The following BRD1 variants were observed in gnomAD, a reference collection of about 807,000 sequenced individuals.
BRD1 encodes the protein bromodomain containing 1, also known as bromodomain-containing protein 1.
Under a neutral mutation model 107.7 loss-of-function variants are expected in BRD1, and 24 were observed. The ratio of observed to expected loss-of-function variants is 0.22; its 90% confidence interval spans 0.16 to 0.31. BRD1 has a LOEUF of 0.31. Among genes scored for constraint, BRD1 ranks in the 10% least tolerant of loss-of-function variants. The probability of loss-of-function intolerance (pLI) is 1.00; values close to 1 mark genes in which losing one functional copy is unlikely to be tolerated. For missense variants in BRD1, 1,279 were observed against 1,638.6 expected, an observed-to-expected ratio of 0.78 and a Z score of 3.79; for synonymous variants, 744 against 686.1, an observed-to-expected ratio of 1.08 and a Z score of -1.32.
Position 49,775,683 on chromosome 22 carries a change from T to TG in BRD1, c.3293dup (p.Pro1099ThrfsTer16). 6.2e-7 allele frequency: 1 copy of TG among 1,613,578 alleles called. No individual in the cohort carries two copies. The highest frequency in any genetic ancestry group is 8.5e-7 in the Non-Finnish European group (1 of 1,179,806). On this transcript the variant is annotated frameshift_variant, in exon 12 of 13. Coordinates refer to ENST00000404760, the MANE Select transcript of BRD1 (RefSeq NM_001304808.3). LOFTEE classifies it high-confidence loss of function. ...CCCCAATCTTCAGCACGTCCAGGGG[T>TG]GGGGCCGGGATGGTGACGCCGTTGT...
Position 49,798,443 on chromosome 22 carries a change from G to C in BRD1, c.1785+115C>G. On this transcript the variant is annotated intron_variant, in intron 5 of 12. Coordinates refer to ENST00000404760, the MANE Select transcript of BRD1 (RefSeq NM_001304808.3). ...AAAAACAAATACGTTAAATAAAAAC[G>C]AGAATTAAGAACACAAGGGATGTAC... is the stretch of plus-strand genomic sequence containing the variant. The C allele has an allele frequency of 2.0e-6, 3 of 1,495,112 alleles. No individual in the cohort carries two copies. The South Asian group carries it at 3.6e-5, about 18-fold the overall frequency. 92.6% of individuals were successfully genotyped at this position (1,495,112 alleles called of 1,614,324 possible). A position where few individuals can be genotyped will look rare whatever the true frequency, so the allele number is the denominator to read the frequency against.
At chr22:49,775,837 C>CCCCCCCCCG in intron 11 of BRD1, 92 bp from the exon 12 acceptor site, 1 of 1,293,482 alleles carries the variant, frequency 7.7e-7, no homozygotes, top group Non-Finnish European at 1.0e-6. Flanking sequence ...CTCCCCACCC[C>CCCCCCCCCG]AGCTGTGTGA....
rs2059093065 is a variant in BRD1, at chr22:49,776,108, A to G, written c.3173T>C (p.Leu1058Pro). 6.2e-7 allele frequency: 1 copy of G among 1,604,020 alleles called. No homozygotes were observed. The highest frequency in any genetic ancestry group is 2.2e-5 in the East Asian group (1 of 44,792). ...GGCCCACACCACCTTCAGAGGCTCCAGCACCGAGGCGGCGGCATCAGTGGA... is the reference window on the plus strand; with the variant it reads ...GGCCCACACCACCTTCAGAGGCTCCGGCACCGAGGCGGCGGCATCAGTGGA... ...WISTDAAASV[L>P]EPLKVVWAKC... The change falls in exon 11 of 13, where the codon CTG (leucine) becomes CCG (proline). Residue 1058 changes from leucine to proline, a missense_variant. Coordinates refer to ENST00000404760, the MANE Select transcript of BRD1 (RefSeq NM_001304808.3).
rs2059489908 is a variant in BRD1, at chr22:49,794,260, G to A, written c.2133C>T (p.His711=). The A allele has an allele frequency of 6.2e-7, 1 of 1,613,258 alleles. No individual in the cohort carries two copies. Among genetic ancestry groups the A allele is most frequent in the South Asian group, 1.1e-5 (1 of 91,062 alleles). ...CTCTCAGCTGCTCCTCCAGGCCCAG[G>A]TGGGCTCTGTTGGCGGGGTCCAGCA... ...DRLLDPANRA[H]LGLEEQLREL... The change falls in exon 7 of 13, where the codon CAC becomes CAT. Residue 711 remains histidine (H), a synonymous_variant. Coordinates refer to ENST00000404760, the MANE Select transcript of BRD1 (RefSeq NM_001304808.3).
Position 49,773,717 on chromosome 22 carries a change from A to G in BRD1, c.*516T>C, listed in dbSNP as rs1339559596. The G allele has an allele frequency of 2.6e-5, 4 of 152,758 alleles. No individual in the cohort carries two copies. The highest frequency in any genetic ancestry group is 2.1e-4 in the South Asian group (1 of 4,828). 9.5% of individuals were successfully genotyped at this position (152,758 alleles called of 1,614,324 possible). Reference sequence around the variant, plus strand: ...TGCGGGGTTTGAGGTGGGCGGGACGACGGGAGCGGGGACACACCCACCGGC... The same window carrying G: ...TGCGGGGTTTGAGGTGGGCGGGACGGCGGGAGCGGGGACACACCCACCGGC... On this transcript the variant is annotated 3_prime_UTR_variant, in exon 13 of 13. Transcript: ENST00000404760.
At chr22:49,826,668 G>C (rs2060151521) in intron 1 of BRD1, among the ~76,000 whole-genome samples, 2 of 149,050 alleles carry the variant, frequency 1.3e-5, no homozygotes, top group Non-Finnish European at 2.9e-5. Context: ...GTGCGAAGTT[G>C]TGTGCAGCAC....
intron 2 of BRD1, among the ~76,000 whole-genome samples, chr22:49,808,002 G>T (rs1316772422): frequency 6.6e-6 from 1 of 151,498 alleles, no homozygotes. Context: ...TATTAGAATG[G>T]CTATCAAAAA....
At chr22:49,786,505 T>C (rs930363141) in intron 8 of BRD1, among the ~76,000 whole-genome samples, 1 of 152,232 alleles carries the variant, frequency 6.6e-6, no homozygotes, top group Non-Finnish European at 1.5e-5. Flanking sequence ...CCAGTGCTAT[T>C]TCAGCAGGTC....
chr22:49,815,052 G>A (rs2059923773), intron 2 of BRD1, among the ~76,000 whole-genome samples: 1 of 152,174 alleles, frequency 6.6e-6, no homozygotes, highest in Non-Finnish European at 1.5e-5. Flanking sequence ...TGTCTAAATG[G>A]CCAGATGACT....
At chr22:49,826,590 G>A (rs2060150557) in intron 1 of BRD1, among the ~76,000 whole-genome samples, 1 of 152,202 alleles carries the variant, frequency 6.6e-6, no homozygotes, top group Non-Finnish European at 1.5e-5. Flanking sequence ...CCCACCGCCC[G>A]CCCAGGGAGA....
intron 3 of BRD1, 81 bp from the exon 4 acceptor site, chr22:49,799,200 C>T: frequency 9.1e-6 from 14 of 1,536,498 alleles, no homozygotes; most frequent in Non-Finnish European, 1.1e-5. Context: ...AGGTGAGACC[C>T]CAAGAGGCAT....
chr22:49,774,123 A>C lies in BRD1; in HGVS notation c.*110T>G. ...AAACCTCCCCCCTCCCCGGGGAAAA[A>C]GAATTAAAGAGCTATAACTAAAAAT... is the stretch of plus-strand genomic sequence containing the variant. On this transcript the variant is annotated 3_prime_UTR_variant, in exon 13 of 13. Coordinates refer to ENST00000404760, the MANE Select transcript of BRD1 (RefSeq NM_001304808.3). The C allele has an allele frequency of 1.5e-6, 2 of 1,350,646 alleles. No individual in the cohort carries two copies. The highest frequency in any genetic ancestry group is 3.4e-5 in the South Asian group (2 of 58,514). 83.7% of individuals were successfully genotyped at this position (1,350,646 alleles called of 1,614,324 possible). A position where few individuals can be genotyped will look rare whatever the true frequency, so the allele number is the denominator to read the frequency against.
rs1356991534 is a variant in BRD1 at position 49,823,473 on chromosome 22, T to C, written c.845A>G (p.Lys282Arg). Residue 282 changes from lysine (K) to arginine (R), a missense_variant, in exon 2 of 13, where the codon AAA (lysine) becomes AGA (arginine). Physicochemically the swap from Lys to Arg is conservative, Grantham distance 26. This residue lies in a region of BRD1 where 158 missense variants were observed against 310.2 expected (regional missense o/e 0.51). Coordinates refer to ENST00000404760, the MANE Select transcript of BRD1 (RefSeq NM_001304808.3). ...ACCCCAGCGGTCGTCATCTGTCTTT[T>C]TGAAGGCACCACCCTTGTTGGGGCA... Reference protein sequence around the residue: ...VLCPNKGGAFKKTDDDRWGHV... With the variant: ...VLCPNKGGAFRKTDDDRWGHV... 1.9e-6 allele frequency: 3 copies of C among 1,608,966 alleles called. No individual in the cohort carries two copies. The highest frequency in any genetic ancestry group is 2.2e-5 in the East Asian group (1 of 44,858).
intron 8 of BRD1, among the ~76,000 whole-genome samples, chr22:49,784,357 C>T (rs1052366637): frequency 3.3e-5 from 5 of 152,014 alleles, no homozygotes; most frequent in Non-Finnish European, 7.3e-5. Flanking sequence ...CACAGAGACT[C>T]GCAGCAGGGG....
At position 49,774,124 on chromosome 22, in the gene BRD1, G is replaced by T. The variant is rs1258456581; in HGVS notation, c.*109C>A. On this transcript the variant is annotated 3_prime_UTR_variant, in exon 13 of 13. Transcript: ENST00000404760. ...AACCTCCCCCCTCCCCGGGGAAAAA[G>T]AATTAAAGAGCTATAACTAAAAATC... The T allele has an allele frequency of 5.1e-6, 7 of 1,376,240 alleles. No individual in the cohort carries two copies. Among genetic ancestry groups the T allele is most frequent in the Non-Finnish European group, 5.8e-6 (6 of 1,035,262 alleles). The allele number at this position is 1,376,240 out of a possible 1,614,324, so 85.3% of individuals were successfully genotyped here.
intron 4 of BRD1, 105 bp from the exon 5 acceptor site, chr22:49,798,791 C>T (rs1328836250): frequency 6.2e-6 from 9 of 1,450,106 alleles, no homozygotes; most frequent in South Asian, 1.4e-5. Flanking sequence ...CCTGTGCTTC[C>T]GTCCAGGCAT....
At position 49,823,543 on chromosome 22, in the gene BRD1, G is replaced by A. The variant is rs2060108824; in HGVS notation, c.775C>T (p.Arg259Cys). 1.2e-6 allele frequency: 2 copies of A among 1,601,054 alleles called. No homozygotes were observed. The highest frequency in any genetic ancestry group is 1.7e-6 in the Non-Finnish European group (2 of 1,172,750). ...CGGGCCCGCGACTGCAGGCAGTGGCGGCAGAGCCACTGGCCCTCGGGGATG... is the reference window on the plus strand; with the variant it reads ...CGGGCCCGCGACTGCAGGCAGTGGCAGCAGAGCCACTGGCCCTCGGGGATG... ...PYIPEGQWLC[R>C]HCLQSRARPA... The change falls in exon 2 of 13, where the codon CGC becomes TGC. Residue 259 changes from arginine to cysteine, a missense_variant. By Grantham distance (180) the Arg-to-Cys change is radical. Transcript: ENST00000404760.
In BRD1 at chr22:49,794,107, G is replaced by C; in HGVS notation, c.2286C>G (p.Pro762=). The stretch of plus-strand genomic sequence containing the variant: ...CTTCCAAGCCTGGCCCCGTGGGCAG[G>C]GGCTGGCTGTGCTGCTGGCTCAGCT... ...RNKLSQQHSQ[P]LPTGPGLEGF... Residue 762 remains proline, a synonymous_variant, in exon 7 of 13, where the codon CCC becomes CCG. Transcript: ENST00000404760. 1 of 1,614,260 alleles carries C rather than the reference G, an allele frequency of 6.2e-7. No individual in the cohort carries two copies. Among genetic ancestry groups the C allele is most frequent in the South Asian group, 1.1e-5 (1 of 91,092 alleles).
intron 6 of BRD1, among the ~76,000 whole-genome samples, chr22:49,795,899 C>T (rs2059521600): frequency 6.6e-6 from 1 of 152,118 alleles, no homozygotes; most frequent in Non-Finnish European, 1.5e-5. Context: ...GGGAATGTTT[C>T]GGAAAAGGAT....
Sources: allele counts gnomAD v4.1 joint callset (sites outside exome capture counted in the v4.1 genomes callset), GRCh38; gene constraint gnomAD v4.1.1; regional missense constraint gnomAD v4.1.1; transcripts MANE v1.5; gene names NCBI Gene and HGNC (gene_info 2026-07-23, HGNC 2026-07-21).